The following HSH2D variants were observed in gnomAD, a reference collection of about 807,000 sequenced individuals.
HSH2D encodes the protein hematopoietic SH2 domain containing.
A neutral mutation model predicts 21.5 loss-of-function variants in HSH2D; 16 were observed. The ratio of observed to expected loss-of-function variants is 0.74; its 90% CI spans 0.50 to 1.13. The LOEUF (loss-of-function observed/expected upper bound fraction) is 1.13, where lower values mean the gene tolerates loss of function less well. Ranked by LOEUF, HSH2D falls within the 50% of genes most tolerant of loss-of-function variation. The pLI is 0.00. For missense variants in HSH2D, 418 were observed against 441.4 expected (o/e 0.95, Z 0.47); for synonymous variants, 172 against 184.7 (o/e 0.93, Z 0.56).
Position 16,157,350 on chromosome 19 carries a change from G to C in HSH2D, c.615G>C (p.Arg205Ser). The C allele has an allele frequency of 6.2e-7, 1 of 1,613,900 alleles. No individual in the cohort carries two copies. The highest frequency in any genetic ancestry group is 8.5e-7 in the Non-Finnish European group (1 of 1,179,856). Residue 205 changes from arginine to serine, a missense_variant, in exon 6 of 6, where the codon AGG (arginine) becomes AGC (serine). Physicochemically the swap from Arg to Ser is moderately radical, Grantham distance 110. Transcript: ENST00000613986. The surrounding 1 kb of genome is among the most constrained non-coding windows in gnomAD (Gnocchi z 4.4). ...PLGETRQKLWRSLKMLPERGQ... is the reference protein window; with the variant it reads ...PLGETRQKLWSSLKMLPERGQ... Reference sequence around the variant, plus strand: ...GAGAGACCCGCCAGAAACTCTGGAGGAGCCTCAAAATGCTCCCCGAGAGAG... The same window carrying C: ...GAGAGACCCGCCAGAAACTCTGGAGCAGCCTCAAAATGCTCCCCGAGAGAG...
upstream of HSH2D, among the ~76,000 whole-genome samples, chr19:16,142,670 T>C (rs2091011417): frequency 2.0e-5 from 3 of 151,874 alleles, no homozygotes; most frequent in Non-Finnish European, 2.9e-5. Context: ...TCCATGTTGG[T>C]CAGGCTGGTC....
At chr19:16,152,902 G>A in intron 3 of HSH2D, 141 bp from the exon 4 acceptor site, 2 of 983,154 alleles carry the variant, frequency 2.0e-6, no homozygotes, top group Non-Finnish European at 1.6e-6. Context: ...GCTGGGTGTT[G>A]CATGGCCAGT....
rs535272237 is a variant in HSH2D, at chr19:16,143,691, G to T, written c.-111G>T. 1.2e-4 allele frequency: 53 copies of T among 448,092 alleles called. No homozygotes were observed. The highest frequency in any genetic ancestry group is 9.9e-4 in the African/African-American group (49 of 49,746). The allele number at this position is 448,092 out of a possible 1,614,324, so 27.8% of individuals were successfully genotyped here. ...GGGCAGCCAGCCCCGCCCCATTGACGTGCAGACCTTGAATCGAAACCCAGG... is the reference window on the plus strand; with the variant it reads ...GGGCAGCCAGCCCCGCCCCATTGACTTGCAGACCTTGAATCGAAACCCAGG... On this transcript the variant is annotated 5_prime_UTR_variant, in exon 1 of 6. Transcript: ENST00000613986.
intron 1 of HSH2D, among the ~76,000 whole-genome samples, chr19:16,136,087 C>T (rs1236404803): frequency 6.6e-6 from 1 of 152,148 alleles, no homozygotes; most frequent in African/African-American, 2.4e-5. Context: ...ATGCTAGAGG[C>T]CTGCCCTGGT....
At position 16,148,729 on chromosome 19, in the gene HSH2D, C is replaced by T. The variant is rs564391041; in HGVS notation, c.-22C>T. The T allele has an allele frequency of 1.2e-6, 2 of 1,613,790 alleles. No individual in the cohort carries two copies. The highest frequency in any genetic ancestry group is 4.5e-5 in the East Asian group (2 of 44,862). On this transcript the variant is annotated 5_prime_UTR_variant, in exon 2 of 6. Transcript: ENST00000613986. ...TCCCTCCCTTCTCTACCCAGGTGACCTTCCCTCCACCCCAGGAAGCTATGA... is the reference window on the plus strand; with the variant it reads ...TCCCTCCCTTCTCTACCCAGGTGACTTTCCCTCCACCCCAGGAAGCTATGA...
chr19:16,135,233 C>T (rs2090954198), intron 1 of HSH2D, among the ~76,000 whole-genome samples: 1 of 152,088 alleles, frequency 6.6e-6, no homozygotes, highest in African/African-American at 2.4e-5. Flanking sequence ...GATTGCGCCA[C>T]TGCACTCTAG....
chr19:16,155,619 CTTTT>C (rs35262744), intron 5 of HSH2D: 10 of 114,172 alleles, frequency 8.8e-5, no homozygotes, highest in South Asian at 5.6e-4. Flanking sequence ...CATGGGAGGA[CTTTT>C]TTTTTTTTTT....
intron 1 of HSH2D, among the ~76,000 whole-genome samples, chr19:16,145,044 T>TG (rs1280917911): frequency 6.9e-6 from 1 of 145,602 alleles, no homozygotes; most frequent in African/African-American, 2.6e-5. Flanking sequence ...GGGGTTTTTT[T>TG]TTTTTTTTTT....
chr19:16,134,940 CAT>C (rs56745939), intron 1 of HSH2D, among the ~76,000 whole-genome samples: 20,781 of 145,368 alleles, frequency 0.14, 1,732 homozygotes, highest in East Asian at 0.29. Flanking sequence ...TCCTGGACAA[CAT>C]AGTGAGACCC....
Position 16,154,495 on chromosome 19 carries a change from T to C in HSH2D, c.474+4T>C. ...CCCGGTGTCTGCCCCTGAGGAGGTA[T>C]GTATATGACAGGAGGCTGGCACCTC... On this transcript the variant is annotated splice_donor_region_variant and intron_variant, in intron 5 of 5. Coordinates refer to ENST00000613986, the MANE Select transcript of HSH2D (RefSeq NM_001382417.1). The C allele has an allele frequency of 6.5e-7, 1 of 1,546,216 alleles. No homozygotes were observed. Among genetic ancestry groups the C allele is most frequent in the Non-Finnish European group, 8.8e-7 (1 of 1,142,426 alleles).
intron 1 of HSH2D, among the ~76,000 whole-genome samples, chr19:16,134,647 C>T (rs1213116532): frequency 6.6e-6 from 1 of 152,192 alleles, no homozygotes; most frequent in Non-Finnish European, 1.5e-5. Context: ...ACAGCCCTGA[C>T]CCTGGACTCC....
chr19:16,152,988 T>C (rs746045408), intron 3 of HSH2D, 55 bp from the exon 4 acceptor site: 2 of 1,573,378 alleles, frequency 1.3e-6, no homozygotes, highest in Middle Eastern at 1.7e-4. Flanking sequence ...GGCTGGGGAC[T>C]TGGGGCAGGG....
intron 4 of HSH2D, among the ~76,000 whole-genome samples, chr19:16,153,695 A>G (rs1041595852): frequency 6.6e-6 from 1 of 150,742 alleles, no homozygotes; most frequent in South Asian, 2.1e-4. Context: ...CTGGCTCCCA[A>G]TACGCTTTCC....
At chr19:16,138,670 C>G (rs1157533663) in intron 1 of HSH2D, among the ~76,000 whole-genome samples, 1 of 152,032 alleles carries the variant, frequency 6.6e-6, no homozygotes, top group Non-Finnish European at 1.5e-5. Context: ...GTTGGCCAGG[C>G]TGGTCTCGAT....
chr19:16,144,970 G>T (rs1322506024), intron 1 of HSH2D, among the ~76,000 whole-genome samples: 1 of 150,842 alleles, frequency 6.6e-6, no homozygotes, highest in Non-Finnish European at 1.5e-5. Context: ...GAGATTACAG[G>T]CATGAGCCAC....
At chr19:16,145,746 T>A (rs1040447111) in intron 1 of HSH2D, among the ~76,000 whole-genome samples, 1 of 151,760 alleles carries the variant, frequency 6.6e-6, no homozygotes, top group Non-Finnish European at 1.5e-5. Context: ...ATGGGGCCAA[T>A]GGGTGGAGGG....
chr19:16,147,783 T>C (rs555551405), intron 1 of HSH2D, among the ~76,000 whole-genome samples: 22 of 150,210 alleles, frequency 1.5e-4, no homozygotes, highest in African/African-American at 4.9e-4. Context: ...GTAGCTGTGA[T>C]TATAGGCACA....
upstream of HSH2D, among the ~76,000 whole-genome samples, chr19:16,143,026 C>T (rs1185963782): frequency 6.6e-6 from 1 of 152,088 alleles, no homozygotes; most frequent in African/African-American, 2.4e-5. Context: ...GCCTCGGCCT[C>T]CCAAAGTGCT....
At chr19:16,137,679 T>C (rs2145008808) in intron 1 of HSH2D, among the ~76,000 whole-genome samples, 1 of 152,124 alleles carries the variant, frequency 6.6e-6, no homozygotes, top group East Asian at 1.9e-4. Context: ...CCTCCCAGGC[T>C]CAAGTGATCC....
Sources: allele counts gnomAD v4.1 joint callset (sites outside exome capture counted in the v4.1 genomes callset), GRCh38; gene constraint gnomAD v4.1.1; non-coding constraint Gnocchi (gnomAD v3.1); transcripts MANE v1.5; gene names NCBI Gene and HGNC (gene_info 2026-07-23, HGNC 2026-07-21).